The following CFAP161 variants were observed in gnomAD, a reference collection of about 807,000 sequenced individuals.
The protein encoded by CFAP161 is cilia- and flagella-associated protein 161.
Under a neutral mutation model 29.0 loss-of-function variants are expected in CFAP161, and 25 were observed. The observed-to-expected ratio is 0.86, with a 90% CI of 0.63 to 1.20. CFAP161 has a LOEUF of 1.20. Ranked by LOEUF, CFAP161 falls within the 50% of genes most tolerant of loss-of-function variation. CFAP161 has a pLI of 0.00. For missense variants in CFAP161, 367 were observed against 371.9 expected, an observed-to-expected ratio of 0.99 and a Z score of 0.11; for synonymous variants, 116 against 137.4, an observed-to-expected ratio of 0.84 and a Z score of 1.09.
At position 81,146,225 on chromosome 15, in the gene CFAP161, C is replaced by A. The variant is rs141826627; in HGVS notation, c.637-1633C>A. Among the ~76,000 whole-genome samples, 3 of 152,286 alleles carry A rather than the reference C, an allele frequency of 2.0e-5. No homozygotes were observed. In the South Asian group the frequency reaches 6.2e-4, roughly 32 times the overall value. Reference sequence around the variant, plus strand: ...AGCCTACTTGTCAGTGCCAGGCCAACCCCTGGATGGCAGGGCTGCCTTTTC... The same window carrying A: ...AGCCTACTTGTCAGTGCCAGGCCAAACCCTGGATGGCAGGGCTGCCTTTTC... On this transcript the variant is annotated intron_variant, in intron 5 of 6. Coordinates refer to ENST00000286732, the MANE Select transcript of CFAP161 (RefSeq NM_173528.4).
upstream of CFAP161, among the ~76,000 whole-genome samples, chr15:81,133,231 T>A (rs866808712): frequency 0.012 from 1,242 of 107,344 alleles, 80 homozygotes; most frequent in Non-Finnish European, 0.019. Flanking sequence ...ATATGTATTT[T>A]TTTTTAAATT....
chr15:81,141,158 A>G (rs913383041), intron 4 of CFAP161, among the ~76,000 whole-genome samples: 7 of 152,184 alleles, frequency 4.6e-5, no homozygotes, highest in African/African-American at 1.7e-4. Context: ...ACTTTGCCAT[A>G]TTTATTCTTC....
At chr15:81,122,429 C>A (rs913286740) in intron 1 of CFAP161, among the ~76,000 whole-genome samples, 4 of 151,062 alleles carry the variant, frequency 2.6e-5, no homozygotes, top group African/African-American at 7.3e-5. Flanking sequence ...GATGGTATCT[C>A]ATTGTGGTGT....
chr15:81,140,164 A>G (rs551110585), intron 4 of CFAP161, among the ~76,000 whole-genome samples: 1 of 152,094 alleles, frequency 6.6e-6, no homozygotes, highest in Admixed American at 6.5e-5. Flanking sequence ...TGTTGCTAAT[A>G]TTTCCATTTG....
chr15:81,148,074 T>A lies in CFAP161; in HGVS notation c.710+143T>A, dbSNP rs796505012. The A allele has an allele frequency of 6.8e-6, 5 of 739,118 alleles. No individual in the cohort carries two copies. In the South Asian group the frequency reaches 1.0e-4, roughly 15 times the overall value. The allele number at this position is 739,118 out of a possible 1,614,324, so 45.8% of individuals were successfully genotyped here. On this transcript the variant is annotated intron_variant, in intron 6 of 6. Transcript: ENST00000286732. ...GAAATACCGCCACATAGAACTTCAATGGTGTGAAAAATCCTATTAGAGCCC... is the reference window on the plus strand; with the variant it reads ...GAAATACCGCCACATAGAACTTCAAAGGTGTGAAAAATCCTATTAGAGCCC...
chr15:81,106,346 C>T (rs762182913), intron 1 of CFAP161, among the ~76,000 whole-genome samples: 32 of 152,250 alleles, frequency 2.1e-4, no homozygotes, highest in Non-Finnish European at 1.2e-4. Context: ...AATAGGCTTC[C>T]GACATCAGAC....
At chr15:81,115,714 C>G (rs1490132933) in intron 1 of CFAP161, among the ~76,000 whole-genome samples, 1 of 152,184 alleles carries the variant, frequency 6.6e-6, no homozygotes. Flanking sequence ...AGGGCTCACT[C>G]TGTCACTGCA....
chr15:81,112,529 A>G (rs1894451104), intron 1 of CFAP161, among the ~76,000 whole-genome samples: 1 of 152,210 alleles, frequency 6.6e-6, no homozygotes, highest in Non-Finnish European at 1.5e-5. Flanking sequence ...TAATAAAACT[A>G]TATAAAAAGA....
intron 1 of CFAP161, among the ~76,000 whole-genome samples, chr15:81,103,432 C>T (rs1481273312): frequency 2.8e-4 from 43 of 152,064 alleles, no homozygotes; most frequent in Non-Finnish European, 1.5e-5. Context: ...CACCCTATAT[C>T]CTGGAGAAAG....
At chr15:81,139,932 T>G (rs2141881628) in intron 4 of CFAP161, among the ~76,000 whole-genome samples, 1 of 152,340 alleles carries the variant, frequency 6.6e-6, no homozygotes, top group Non-Finnish European at 1.5e-5. Flanking sequence ...ACTTTGCTAA[T>G]TTGACAAGCA....
chr15:81,105,747 A>G (rs1894365328), intron 1 of CFAP161, among the ~76,000 whole-genome samples: 2 of 152,228 alleles, frequency 1.3e-5, no homozygotes, highest in Admixed American at 1.3e-4. Context: ...CGCAGGCAGA[A>G]GATTATTAAG....
chr15:81,120,972 G>C (rs905354413), intron 1 of CFAP161, among the ~76,000 whole-genome samples: 3 of 152,210 alleles, frequency 2.0e-5, no homozygotes, highest in African/African-American at 7.2e-5. Flanking sequence ...ATTCTACTAA[G>C]AGTAAATCAA....
At chr15:81,113,516 C>T (rs1894462142) in intron 1 of CFAP161, among the ~76,000 whole-genome samples, 1 of 152,172 alleles carries the variant, frequency 6.6e-6, no homozygotes, top group African/African-American at 2.4e-5. Flanking sequence ...ATCAGGAGTT[C>T]CCATGGCCCC....
rs3086710 is a variant in CFAP161, at chr15:81,146,831, AATATATATATAT to A, written c.637-986_637-975del. Reference sequence around the variant, plus strand: ...TTTGCTCTTAAATAGGATAGCTACAAATATATATATATATATATATATATATATATATATATA... The same window carrying A: ...TTTGCTCTTAAATAGGATAGCTACAAATATATATATATATATATATATATA... On this transcript the variant is annotated intron_variant, in intron 5 of 6. Coordinates refer to ENST00000286732, the MANE Select transcript of CFAP161 (RefSeq NM_173528.4). Among the ~76,000 whole-genome samples, 488 of 70,496 alleles carry A rather than the reference AATATATATATAT, an allele frequency of 6.9e-3. 7 individuals are homozygous for A. The highest frequency in any genetic ancestry group is 0.016 in the East Asian group (42 of 2,668). The allele number at this position is 70,496 out of a possible 152,430, so 46.2% of individuals were successfully genotyped here.
Position 81,107,542 on chromosome 15 carries a change from G to A in CFAP161, c.-141-20048G>A, listed in dbSNP as rs149881888. The stretch of plus-strand genomic sequence containing the variant: ...GGACTTTGAGACCAGCCTGGCCAAC[G>A]TGGAGAAACCCCATCTCTCCTAAAA... On this transcript the variant is annotated intron_variant, in intron 1 of 4. Transcript: ENST00000560091. 1.6e-3 allele frequency among the ~76,000 whole-genome samples: 240 copies of A among 152,214 alleles called. 1 individual carries two copies. Among genetic ancestry groups the A allele is most frequent in the African/African-American group, 5.1e-3 (212 of 41,542 alleles).
At chr15:81,114,686 C>T (rs769114662) in intron 1 of CFAP161, among the ~76,000 whole-genome samples, 1 of 152,098 alleles carries the variant, frequency 6.6e-6, no homozygotes, top group Non-Finnish European at 1.5e-5. Flanking sequence ...TGTTTTAAGA[C>T]GGAGTCTCGC....
intron 1 of CFAP161, among the ~76,000 whole-genome samples, chr15:81,109,119 T>G (rs760371099): frequency 2.6e-5 from 4 of 152,122 alleles, no homozygotes; most frequent in Non-Finnish European, 4.4e-5. Context: ...CTGGCTAACT[T>G]TCTCAAAACA....
intron 1 of CFAP161, among the ~76,000 whole-genome samples, chr15:81,112,972 T>C (rs1200474955): frequency 6.6e-6 from 1 of 152,192 alleles, no homozygotes; most frequent in East Asian, 1.9e-4. Context: ...TGTTTTAATC[T>C]TGGCTTTGAG....
chr15:81,135,364 C>CTTTT lies in CFAP161; in HGVS notation c.159+15_159+18dup. 7.9e-7 allele frequency: 1 copy of CTTTT among 1,270,632 alleles called. No homozygotes were observed. The highest frequency in any genetic ancestry group is 1.1e-6 in the Non-Finnish European group (1 of 935,930). 78.7% of individuals were successfully genotyped at this position (1,270,632 alleles called of 1,614,324 possible). A position where few individuals can be genotyped will look rare whatever the true frequency, so the allele number is the denominator to read the frequency against. ...AAACAGAATCTCTTGAGACCGGTAA[C>CTTTT]TTTTTTTTTTTTTATTACACTTTAA... is the stretch of plus-strand genomic sequence containing the variant. On this transcript the variant is annotated splice_donor_region_variant and intron_variant, in intron 2 of 6. Coordinates refer to ENST00000286732, the MANE Select transcript of CFAP161 (RefSeq NM_173528.4).
Sources: allele counts gnomAD v4.1 joint callset (sites outside exome capture counted in the v4.1 genomes callset), GRCh38; gene constraint gnomAD v4.1.1; transcripts MANE v1.5; gene names NCBI Gene and HGNC (gene_info 2026-07-23, HGNC 2026-07-21).